The following FAT3 variants were observed in gnomAD, a reference collection of about 807,000 sequenced individuals.
The protein encoded by FAT3 is FAT atypical cadherin 3.
FAT3 carries 95 observed loss-of-function variants against 310.2 expected under a neutral mutation model. The observed-to-expected ratio is 0.31, with a 90% CI of 0.26 to 0.36. The LOEUF is 0.36. FAT3 is among the 10% of genes least tolerant of loss of function. The pLI, the probability that FAT3 is intolerant of heterozygous loss-of-function variation, is 1.00. For synonymous variants in FAT3, 2,314 were observed against 2,192.9 expected (o/e 1.06, Z -1.54); for missense variants, 5,408 against 5,715.6 (o/e 0.95, Z 1.74).
In FAT3 at chr11:92,568,733, C is replaced by T. The variant is rs542954514; in HGVS notation, c.3607+43785C>T. On this transcript the variant is annotated intron_variant, in intron 3 of 27. Transcript: ENST00000525166. ...ACTCCTTTTTCAGATTTGTACATGT[C>T]TTGAATGTCATCTTCACCCTATTTA... Among the ~76,000 whole-genome samples the T allele has an allele frequency of 4.6e-5, 7 of 152,250 alleles. No individual in the cohort carries two copies. In the South Asian group the frequency reaches 1.5e-3, roughly 32 times the overall value.
chr11:92,575,120 C>A (rs1280237813), intron 3 of FAT3, among the ~76,000 whole-genome samples: 1 of 152,002 alleles, frequency 6.6e-6, no homozygotes, highest in Non-Finnish European at 1.5e-5. Flanking sequence ...AGTTAGTTGT[C>A]CTGTTGTTTC....
At position 92,799,252 on chromosome 11, in the gene FAT3, A is replaced by G. The variant is rs201164445; in HGVS notation, c.6239A>G (p.Asn2080Ser). The G allele has an allele frequency of 1.9e-6, 3 of 1,613,794 alleles. No individual in the cohort carries two copies. The highest frequency in any genetic ancestry group is 2.5e-6 in the Non-Finnish European group (3 of 1,179,878). Reference protein sequence around the residue: ...VRVNIEDINDNSPVFVGLPYY... With the variant: ...VRVNIEDINDSSPVFVGLPYY... ...GTTAACATTGAAGACATAAATGACA[A>G]TTCTCCAGTCTTTGTGGGCCTCCCA... The change falls in exon 10 of 28, where the codon AAT becomes AGT. Residue 2080 changes from asparagine to serine, a missense_variant. Asn to Ser is a conservative substitution (Grantham distance 46, BLOSUM62 1). Transcript: ENST00000525166.
intron 3 of FAT3, among the ~76,000 whole-genome samples, chr11:92,612,057 C>G (rs1940587177): frequency 6.6e-6 from 1 of 152,190 alleles, no homozygotes; most frequent in Non-Finnish European, 1.5e-5. Context: ...TAATGTAGTA[C>G]TAGGCACATT....
intron 2 of FAT3, among the ~76,000 whole-genome samples, chr11:92,451,639 T>A (rs1951353898): frequency 6.6e-6 from 1 of 152,182 alleles, no homozygotes; most frequent in South Asian, 2.1e-4. Context: ...ACTGTAGATA[T>A]TTCCATGAAA....
At chr11:92,534,473 A>C (rs1954182523) in intron 3 of FAT3, among the ~76,000 whole-genome samples, 1 of 152,220 alleles carries the variant, frequency 6.6e-6, no homozygotes, top group Non-Finnish European at 1.5e-5. Flanking sequence ...AAAGTCTTTC[A>C]GATGATTAAG....
Position 92,354,762 on chromosome 11 carries a change from G to A in FAT3, c.2650G>A (p.Gly884Arg). 6.2e-7 allele frequency: 1 copy of A among 1,613,926 alleles called. No individual in the cohort carries two copies. The highest frequency in any genetic ancestry group is 8.5e-7 in the Non-Finnish European group (1 of 1,179,876). ...GCAGTTTGCCATCAATAGCTCAACT[G>A]GAATCGTTTATGTAGCCGACCAGTT... Reference protein sequence around the residue: ...TQQFAINSSTGIVYVADQLDR... With the variant: ...TQQFAINSSTRIVYVADQLDR... The change falls in exon 2 of 28, where the codon GGA becomes AGA. Residue 884 changes from glycine (G) to arginine (R), a missense_variant. Gly to Arg is a moderately radical substitution (Grantham distance 125, BLOSUM62 -2). This residue lies in a region of FAT3 where 4,588 missense variants were observed against 4,809.8 expected (regional missense o/e 0.95). Coordinates refer to ENST00000525166, the MANE Select transcript of FAT3 (RefSeq NM_001367949.2).
chr11:92,758,393 G>A (rs1350756517), intron 4 of FAT3, among the ~76,000 whole-genome samples: 1 of 152,214 alleles, frequency 6.6e-6, no homozygotes, highest in Non-Finnish European at 1.5e-5. Flanking sequence ...TGTTTGGATT[G>A]AGGCTTCTAG....
chr11:92,574,978 C>A (rs1481809356), intron 3 of FAT3, among the ~76,000 whole-genome samples: 1 of 152,130 alleles, frequency 6.6e-6, no homozygotes, highest in Non-Finnish European at 1.5e-5. Context: ...TGCTAGCCTG[C>A]ACTTAGATTC....
intron 9 of FAT3, among the ~76,000 whole-genome samples, chr11:92,797,107 G>A (rs1422576903): frequency 6.6e-6 from 1 of 152,148 alleles, no homozygotes. Context: ...TTACTTTTAT[G>A]TCTAGATGTG....
In FAT3 at chr11:92,642,457, C is replaced by G. The variant is rs78648051; in HGVS notation, c.3608-54927C>G. ...AATTATTTTCTGGGCCCCACACAACCATTTGACTGGCAGGAAGCCCATTCT... is the reference window on the plus strand; with the variant it reads ...AATTATTTTCTGGGCCCCACACAACGATTTGACTGGCAGGAAGCCCATTCT... On this transcript the variant is annotated intron_variant, in intron 3 of 27. Transcript: ENST00000525166. Among the ~76,000 whole-genome samples, 624 of 152,336 alleles carry G rather than the reference C, an allele frequency of 4.1e-3. 11 individuals carry two copies. The highest frequency in any genetic ancestry group is 0.031 in the Admixed American group (470 of 15,312).
chr11:92,720,932 C>CT (rs1944841859), intron 4 of FAT3, among the ~76,000 whole-genome samples: 1 of 152,158 alleles, frequency 6.6e-6, no homozygotes, highest in Non-Finnish European at 1.5e-5. Flanking sequence ...TTATAGCATT[C>CT]ATTTCTTTTG....
intron 2 of FAT3, among the ~76,000 whole-genome samples, chr11:92,413,955 G>A (rs1427776616): frequency 2.0e-5 from 3 of 152,124 alleles, no homozygotes; most frequent in Non-Finnish European, 4.4e-5. Context: ...TGCTGGCACA[G>A]GTTATCCTTC....
At chr11:92,872,543 C>A (rs1384935489) in intron 22 of FAT3, among the ~76,000 whole-genome samples, 1 of 151,990 alleles carries the variant, frequency 6.6e-6, no homozygotes, top group African/African-American at 2.4e-5. Context: ...ATTTTTGGTA[C>A]CTTGGAAAAA....
chr11:92,561,929 C>A (rs562859807), intron 3 of FAT3, among the ~76,000 whole-genome samples: 2 of 152,062 alleles, frequency 1.3e-5, no homozygotes, highest in Non-Finnish European at 2.9e-5. Context: ...CCTGGCCTAC[C>A]ATTTGGATAA....
At chr11:92,692,465 C>G (rs538785045) in intron 3 of FAT3, among the ~76,000 whole-genome samples, 1 of 152,230 alleles carries the variant, frequency 6.6e-6, no homozygotes, top group East Asian at 1.9e-4. Flanking sequence ...TTGTGTGCTG[C>G]AAAAGTAGTA....
intron 3 of FAT3, among the ~76,000 whole-genome samples, chr11:92,644,387 A>G (rs1942075875): frequency 6.6e-6 from 1 of 152,160 alleles, no homozygotes; most frequent in African/African-American, 2.4e-5. Flanking sequence ...AACATCCTGA[A>G]TATTCCTGAC....
At chr11:92,705,259 A>G (rs964607857) in intron 4 of FAT3, among the ~76,000 whole-genome samples, 2 of 151,878 alleles carry the variant, frequency 1.3e-5, no homozygotes, top group Admixed American at 6.6e-5. Flanking sequence ...AGGGATGGCC[A>G]TTGACATTCC....
intron 2 of FAT3, among the ~76,000 whole-genome samples, chr11:92,447,222 C>CGTGTGTGTGTGTGT (rs34833885): frequency 2.7e-5 from 4 of 146,298 alleles, no homozygotes; most frequent in South Asian, 2.2e-4. Flanking sequence ...TATATGTGTG[C>CGTGTGTGTGTGTGT]GTGTGTGTGT....
At chr11:92,609,046 T>C (rs1169798804) in intron 3 of FAT3, among the ~76,000 whole-genome samples, 1 of 152,230 alleles carries the variant, frequency 6.6e-6, no homozygotes, top group Non-Finnish European at 1.5e-5. Flanking sequence ...CTGCTGTTTA[T>C]GAATGCAGCT....
Sources: gnomAD v4.1 joint callset for allele counts (sites outside exome capture counted in the v4.1 genomes callset) on GRCh38, gnomAD v4.1.1 for gene constraint, gnomAD v4.1.1 regional missense constraint, MANE v1.5 for transcripts, NCBI Gene and HGNC (gene_info 2026-07-23, HGNC 2026-07-21) for gene names.